Variants in SEM1 observed in about 807,000 individuals in gnomAD.
SEM1 encodes the protein 26S proteasome complex subunit SEM1.
A neutral mutation model predicts 12.7 loss-of-function variants in SEM1; 3 were observed. The ratio of observed to expected loss-of-function variants is 0.24; its 90% CI spans 0.11 to 0.61. The LOEUF (loss-of-function observed/expected upper bound fraction) is 0.61. Ranked by LOEUF, SEM1 falls within the 20% of genes least tolerant of loss-of-function variation. SEM1 has a pLI of 0.88. For missense variants in SEM1, 59 were observed against 81.3 expected (o/e 0.73, Z 1.06); for synonymous variants, 30 against 27.8 (o/e 1.08, Z -0.25).
At position 96,487,916 on chromosome 7, in the gene SEM1, C is replaced by T. The variant is rs1802837935; in HGVS notation, c.13-1499G>A. ...GATTTTGACATCAATGAGCTGCCAA[C>T]CAGTTGGGGCAACTCTGTAAGGACT... On this transcript the variant is annotated intron_variant, in intron 1 of 3. Transcript: ENST00000356686. Among the ~76,000 whole-genome samples, 2 of 150,166 alleles carry T rather than the reference C, an allele frequency of 1.3e-5. 1 individual carries two copies. The highest frequency in any genetic ancestry group is 1.3e-4 in the Admixed American group (2 of 15,222).
At chr7:96,490,010 GAC>G (rs1476638544) in intron 1 of SEM1, among the ~76,000 whole-genome samples, 1 of 152,068 alleles carries the variant, frequency 6.6e-6, no homozygotes, top group African/African-American at 2.4e-5. Context: ...ATTGTGAGGA[GAC>G]ACACTATTCA....
chr7:96,585,750 C>A (rs1427054596), intron 2 of SEM1, among the ~76,000 whole-genome samples: 2 of 152,196 alleles, frequency 1.3e-5, no homozygotes, highest in Non-Finnish European at 2.9e-5. Context: ...TCTGTCACCC[C>A]TTTCTTTGAC....
chr7:96,520,000 A>G (rs575572824), intron 2 of SEM1, among the ~76,000 whole-genome samples: 2 of 152,262 alleles, frequency 1.3e-5, no homozygotes, highest in South Asian at 4.1e-4. Context: ...AACCCACTTC[A>G]GTCCAAAATG....
At chr7:96,682,151 T>C (rs572358340) in intron 2 of SEM1, among the ~76,000 whole-genome samples, 70 of 152,270 alleles carry the variant, frequency 4.6e-4, no homozygotes, top group Middle Eastern at 3.4e-3. Context: ...GTAGCAATTG[T>C]GAATGGGTGT....
intron 2 of SEM1, among the ~76,000 whole-genome samples, chr7:96,530,091 G>T (rs892236473): frequency 6.6e-6 from 1 of 152,034 alleles, no homozygotes; most frequent in African/African-American, 2.4e-5. Flanking sequence ...GCTCCCGTTC[G>T]TGTTACCATT....
chr7:96,680,447 T>G (rs1045556221), intron 2 of SEM1, among the ~76,000 whole-genome samples: 8 of 151,936 alleles, frequency 5.3e-5, no homozygotes, highest in African/African-American at 1.5e-4. Context: ...AGAGGAGAAA[T>G]ACACAATGTT....
intron 2 of SEM1, among the ~76,000 whole-genome samples, chr7:96,569,826 A>T (rs1340640863): frequency 6.6e-6 from 1 of 152,096 alleles, no homozygotes; most frequent in Non-Finnish European, 1.5e-5. Context: ...CACTTAAGAT[A>T]ATGGCCTGTA....
chr7:96,500,492 C>T (rs1490735693), upstream of SEM1, among the ~76,000 whole-genome samples: 2 of 152,080 alleles, frequency 1.3e-5, no homozygotes, highest in Non-Finnish European at 2.9e-5. Context: ...TTTTTTGGAT[C>T]ACAAACTACT....
chr7:96,551,026 G>C (rs1386870139), intron 2 of SEM1, among the ~76,000 whole-genome samples: 1 of 152,102 alleles, frequency 6.6e-6, no homozygotes, highest in Non-Finnish European at 1.5e-5. Flanking sequence ...CACTCACCAA[G>C]AAGAGATAGA....
At chr7:96,620,661 G>A (rs1177156092), downstream of SEM1, among the ~76,000 whole-genome samples, 1 of 152,084 alleles carries the variant, frequency 6.6e-6, no homozygotes, top group Non-Finnish European at 1.5e-5. Flanking sequence ...ACTTACTTCT[G>A]GTGCTTCCCA....
chr7:96,567,953 C>T (rs1359178769), intron 2 of SEM1, among the ~76,000 whole-genome samples: 4 of 150,506 alleles, frequency 2.7e-5, no homozygotes, highest in African/African-American at 9.9e-5. Flanking sequence ...CACACACACA[C>T]TCACACACAC....
At chr7:96,522,033 G>A (rs184799685) in intron 2 of SEM1, among the ~76,000 whole-genome samples, 2,719 of 152,226 alleles carry the variant, frequency 0.018, 37 homozygotes, top group Non-Finnish European at 0.026. Context: ...AAGAAAAAAA[G>A]TAAATAAAAT....
Position 96,636,239 on chromosome 7 carries a change from C to G in SEM1, c.171-13596G>C, listed in dbSNP as rs148667205. Among the ~76,000 whole-genome samples the G allele has an allele frequency of 3.0e-3, 462 of 152,032 alleles. 2 individuals carry two copies. The highest frequency in any genetic ancestry group is 0.01 in the African/African-American group (433 of 41,498). ...CAAGGTGAGTCTTCCAATCAGAGCA[C>G]AAGGCACCTATGAGAAGTCAAAAGA... On this transcript the variant is annotated intron_variant, in intron 2 of 2. Coordinates refer to the SEM1 transcript ENST00000417009.
intron 2 of SEM1, among the ~76,000 whole-genome samples, chr7:96,577,920 T>C (rs1374230535): frequency 6.6e-6 from 1 of 151,798 alleles, no homozygotes; most frequent in Non-Finnish European, 1.5e-5. Flanking sequence ...TAGAAATTAC[T>C]ATATGCAGGA....
intron 2 of SEM1, among the ~76,000 whole-genome samples, chr7:96,604,479 T>C (rs1431684559): frequency 4.6e-5 from 7 of 152,180 alleles, no homozygotes; most frequent in African/African-American, 1.7e-4. Context: ...CTATTTATAT[T>C]TGTAGCCACA....
chr7:96,593,344 T>C (rs770195562), intron 2 of SEM1, among the ~76,000 whole-genome samples: 5 of 152,214 alleles, frequency 3.3e-5, no homozygotes, highest in Non-Finnish European at 7.3e-5. Flanking sequence ...TATGTTTTCT[T>C]GACTATACAT....
intron 2 of SEM1, among the ~76,000 whole-genome samples, chr7:96,691,312 AAC>A (rs1487814275): frequency 2.6e-5 from 4 of 152,222 alleles, no homozygotes; most frequent in African/African-American, 9.6e-5. Context: ...GTTTTTATTT[AAC>A]ACACACACAC....
At chr7:96,566,425 T>A (rs5002507) in intron 2 of SEM1, among the ~76,000 whole-genome samples, 145,652 of 151,704 alleles carry the variant, frequency 0.96, 70,136 homozygotes, top group Non-Finnish European at 0.99. Flanking sequence ...TAATTCATTA[T>A]AAGTTGTTTG....
chr7:96,564,520 T>G (rs1416686592), intron 2 of SEM1, among the ~76,000 whole-genome samples: 1 of 152,066 alleles, frequency 6.6e-6, no homozygotes, highest in Admixed American at 6.6e-5. Flanking sequence ...TATGTTTACT[T>G]GTTAAAAGGA....
Sources: allele counts gnomAD v4.1 joint callset (sites outside exome capture counted in the v4.1 genomes callset), GRCh38; gene constraint gnomAD v4.1.1; transcripts MANE v1.5; gene names NCBI Gene and HGNC (gene_info 2026-07-23, HGNC 2026-07-21).